Variants in ZSCAN23 observed in about 807,000 individuals in gnomAD.
ZSCAN23 encodes the protein zinc finger and SCAN domain-containing protein 23.
A neutral mutation model predicts 19.3 loss-of-function variants in ZSCAN23; 19 were observed. The observed-to-expected ratio is 0.99, with a 90% confidence interval of 0.69 to 1.45. The LOEUF is 1.45. ZSCAN23 is among the 40% of genes most tolerant of loss of function. ZSCAN23 has a pLI of 0.00. For missense variants in ZSCAN23, 372 were observed against 462.5 expected (o/e 0.80, Z 1.79); for synonymous variants, 140 against 166.2 (o/e 0.84, Z 1.21).
downstream of ZSCAN23, among the ~76,000 whole-genome samples, chr6:28,430,296 G>A (rs1761737472): frequency 6.6e-6 from 1 of 152,060 alleles, no homozygotes; most frequent in Non-Finnish European, 1.5e-5. Flanking sequence ...GGGGGTGTAG[G>A]AGTCTAGGCA....
downstream of ZSCAN23, among the ~76,000 whole-genome samples, chr6:28,427,531 C>T (rs1581798534): frequency 2.6e-5 from 4 of 152,240 alleles, no homozygotes; most frequent in East Asian, 3.9e-4. Flanking sequence ...CTGTACAGCA[C>T]GTTTCTGTAT....
rs1313248880 is a variant in ZSCAN23 at position 28,433,018 on chromosome 6, CCTA to C, written c.*1444_*1446del. On this transcript the variant is annotated 3_prime_UTR_variant, in exon 4 of 4. Coordinates refer to ENST00000289788, the MANE Select transcript of ZSCAN23 (RefSeq NM_001012455.2). ...GAATGAATTATCTTTTTAAAAAAGT[CCTA>C]CTGAGTAAATTAAATTTTAAAAGCT... 6.6e-6 allele frequency: 1 copy of C among 151,782 alleles called. No homozygotes were observed. Among genetic ancestry groups the C allele is most frequent in the Non-Finnish European group, 1.5e-5 (1 of 67,898 alleles). The allele number at this position is 151,782 out of a possible 1,614,324, so 9.4% of individuals were successfully genotyped here. A position where few individuals can be genotyped will look rare whatever the true frequency, so the allele number is the denominator to read the frequency against.
chr6:28,435,554 T>C lies in ZSCAN23; in HGVS notation c.462A>G (p.Pro154=). ...QEEFVKEKAT[P]GAAQESSNDQ... ...CATTTGATGACTCCTGAGCTGCTCC[T>C]GGAGTTGCCTTCTCCTTTACAAACT... Residue 154 remains proline (P), a synonymous_variant, in exon 3 of 4, where the codon CCA becomes CCG. Transcript: ENST00000289788. 6.4e-7 allele frequency: 1 copy of C among 1,551,766 alleles called. No homozygotes were observed. Among genetic ancestry groups the C allele is most frequent in the Non-Finnish European group, 8.7e-7 (1 of 1,147,008 alleles).
the ZSCAN23 span, among the ~76,000 whole-genome samples, chr6:28,425,695 A>G: frequency 6.6e-6 from 1 of 152,228 alleles, no homozygotes; most frequent in African/African-American, 2.4e-5. Flanking sequence ...CAGCTCCATT[A>G]GCTCCTATCA....
intron 1 of ZSCAN23, among the ~76,000 whole-genome samples, chr6:28,436,939 A>T (rs1761902075): frequency 6.6e-6 from 1 of 152,176 alleles, no homozygotes. Context: ...CTTGGGCTTC[A>T]TGTTTTGAGC....
Position 28,435,400 on chromosome 6 carries a change from G to A in ZSCAN23, c.556+60C>T, listed in dbSNP as rs1257369667. ...CATACAGCAGACACTAAATAAATGG[G>A]TTGAATTGATAAATATTCAGGGAAT... is the stretch of plus-strand genomic sequence containing the variant. On this transcript the variant is annotated intron_variant, in intron 3 of 3. Transcript: ENST00000289788. 3.7e-5 allele frequency: 57 copies of A among 1,525,032 alleles called. No individual in the cohort carries two copies. In the East Asian group the frequency reaches 1.3e-3, roughly 36 times the overall value. 94.5% of individuals were successfully genotyped at this position (1,525,032 alleles called of 1,614,324 possible). A position where few individuals can be genotyped will look rare whatever the true frequency, so the allele number is the denominator to read the frequency against.
intron 1 of ZSCAN23, among the ~76,000 whole-genome samples, chr6:28,438,309 C>T (rs1007852797): frequency 2.0e-5 from 3 of 152,132 alleles, no homozygotes; most frequent in African/African-American, 7.2e-5. Flanking sequence ...GTTGGCCAGG[C>T]TGGTCTCGAA....
intron 1 of ZSCAN23, among the ~76,000 whole-genome samples, chr6:28,438,672 G>GTCAGATCTCATGAGAACGC (rs1240328500): frequency 3.9e-5 from 6 of 152,022 alleles, no homozygotes; most frequent in African/African-American, 1.5e-4. Context: ...TTATAAAACC[G>GTCAGATCTCATGAGAACGC]TCAGATCTCA....
intron 1 of ZSCAN23, among the ~76,000 whole-genome samples, chr6:28,440,755 G>GA: frequency 6.6e-6 from 1 of 152,228 alleles, no homozygotes; most frequent in Non-Finnish European, 1.5e-5. Context: ...TCATTTCTGG[G>GA]ATGTGGTGTT....
chr6:28,435,341 TCA>T, intron 3 of ZSCAN23, 117 bp downstream of exon 3: 1 of 1,342,984 alleles, frequency 7.4e-7, no homozygotes, highest in South Asian at 1.5e-5. Flanking sequence ...GCCTTGTTTA[TCA>T]CTGTATCCCT....
At position 28,434,863 on chromosome 6, in the gene ZSCAN23, A is replaced by G. The variant is rs1458489990; in HGVS notation, c.772T>C (p.Phe258Leu). 5 of 1,567,784 alleles carry G rather than the reference A, an allele frequency of 3.2e-6. No individual in the cohort carries two copies. Among genetic ancestry groups the G allele is most frequent in the Non-Finnish European group, 3.5e-6 (4 of 1,156,270 alleles). The part of the protein sequence containing the change: ...PYICSECGKS[F>L]TQNSILIEHQ... ...TCGATAAGGATGGAATTCTGGGTGAAGCTTTTTCCACATTCACTACAGATA... is the reference window on the plus strand; with the variant it reads ...TCGATAAGGATGGAATTCTGGGTGAGGCTTTTTCCACATTCACTACAGATA... Residue 258 changes from phenylalanine to leucine, a missense_variant, in exon 4 of 4, where the codon TTC becomes CTC. Coordinates refer to ENST00000289788, the MANE Select transcript of ZSCAN23 (RefSeq NM_001012455.2).
chr6:28,434,443 A>G lies in ZSCAN23; in HGVS notation c.*22T>C. On this transcript the variant is annotated 3_prime_UTR_variant, in exon 4 of 4. Coordinates refer to ENST00000289788, the MANE Select transcript of ZSCAN23 (RefSeq NM_001012455.2). ...CAGCAGGGACAAAGTAAGAAATATT[A>G]TCCCCTACCTGTTCCAAGGAGCTAG... 1.3e-6 allele frequency: 2 copies of G among 1,505,966 alleles called. No homozygotes were observed. Among genetic ancestry groups the G allele is most frequent in the Non-Finnish European group, 1.8e-6 (2 of 1,122,302 alleles). The allele number at this position is 1,505,966 out of a possible 1,614,324, so 93.3% of individuals were successfully genotyped here.
chr6:28,435,661 G>A (rs1449506868), intron 2 of ZSCAN23, 54 bp from the exon 3 acceptor site: 1 of 1,516,020 alleles, frequency 6.6e-7, no homozygotes, highest in Non-Finnish European at 8.8e-7. Flanking sequence ...ACATGGCAAG[G>A]AGGCCTCCTC....
In ZSCAN23 at chr6:28,435,838, C is replaced by T. The variant is rs765467804; in HGVS notation, c.408+21G>A. On this transcript the variant is annotated intron_variant, in intron 2 of 3. Transcript: ENST00000289788. ...ATACTTGTTCTTATAGGTACAAATCCCTGTTCTCCCATCTTCTCACCTGCT... is the reference window on the plus strand; with the variant it reads ...ATACTTGTTCTTATAGGTACAAATCTCTGTTCTCCCATCTTCTCACCTGCT... The T allele has an allele frequency of 1.9e-6, 3 of 1,546,712 alleles. No individual in the cohort carries two copies. In the African/African-American group the frequency reaches 4.1e-5, roughly 21 times the overall value.
chr6:28,439,309 G>A (rs1362850423), intron 1 of ZSCAN23, among the ~76,000 whole-genome samples: 4 of 151,798 alleles, frequency 2.6e-5, no homozygotes, highest in African/African-American at 4.8e-5. Context: ...GGCTGGTTTC[G>A]AACTCCTGAC....
rs1021934425 is a variant in ZSCAN23, at chr6:28,432,836, C to T, written c.*1629G>A. The T allele has an allele frequency of 1.3e-5, 2 of 151,964 alleles. No homozygotes were observed. Among genetic ancestry groups the T allele is most frequent in the African/African-American group, 4.8e-5 (2 of 41,408 alleles). The allele number at this position is 151,964 out of a possible 1,614,324, so 9.4% of individuals were successfully genotyped here. On this transcript the variant is annotated 3_prime_UTR_variant, in exon 4 of 4. Coordinates refer to ENST00000289788, the MANE Select transcript of ZSCAN23 (RefSeq NM_001012455.2). Reference sequence around the variant, plus strand: ...TATTAGAAGAGTATAAATAATATGCCATCTTCCTGAGTAATGGAAGAAATA... The same window carrying T: ...TATTAGAAGAGTATAAATAATATGCTATCTTCCTGAGTAATGGAAGAAATA...
At chr6:28,438,314 C>G (rs763693318) in intron 1 of ZSCAN23, among the ~76,000 whole-genome samples, 6 of 152,118 alleles carry the variant, frequency 3.9e-5, no homozygotes, top group Non-Finnish European at 8.8e-5. Context: ...CCAGGCTGGT[C>G]TCGAACTCCT....
the ZSCAN23 span, among the ~76,000 whole-genome samples, chr6:28,422,709 A>T: frequency 6.1e-3 from 465 of 75,642 alleles, 5 homozygotes; most frequent in East Asian, 0.028. This position sits in a 1 kb window ranked among gnomAD's most constrained non-coding sequence, Gnocchi z 4.0. Context: ...AGGATTTTTT[A>T]AAAAAAACAA....
At chr6:28,441,232 T>G (rs533299447) in intron 1 of ZSCAN23, among the ~76,000 whole-genome samples, 1 of 152,212 alleles carries the variant, frequency 6.6e-6, no homozygotes, top group East Asian at 1.9e-4. Flanking sequence ...CCCACGACCC[T>G]CACCTCCGCT....
Sources: allele counts gnomAD v4.1 joint callset (sites outside exome capture counted in the v4.1 genomes callset), GRCh38; gene constraint gnomAD v4.1.1; non-coding constraint Gnocchi (gnomAD v3.1); transcripts MANE v1.5; gene names NCBI Gene and HGNC (gene_info 2026-07-23, HGNC 2026-07-21).